NAPB: variants seen among roughly 807,000 people sequenced by gnomAD.
NAPB encodes beta-soluble NSF attachment protein.
NAPB carries 26 observed loss-of-function variants against 44.7 expected under a neutral mutation model. The ratio of observed to expected loss-of-function variants is 0.58; its 90% CI spans 0.43 to 0.81. NAPB has a LOEUF of 0.81. NAPB is among the 30% of genes least tolerant of loss of function. The pLI, the probability that NAPB is intolerant of heterozygous loss-of-function variation, is 0.00. For missense variants in NAPB, 315 were observed against 356.4 expected, an observed-to-expected ratio of 0.88 and a Z score of 0.94; for synonymous variants, 120 against 116.8, an observed-to-expected ratio of 1.03 and a Z score of -0.18.
chr20:23,421,048 G>A (rs1357801226), intron 1 of NAPB, among the ~76,000 whole-genome samples: 1 of 150,616 alleles, frequency 6.6e-6, no homozygotes, highest in Non-Finnish European at 1.5e-5. Context: ...AGGATGCGGG[G>A]TTTCCAGGGA....
chr20:23,383,586 C>G (rs934943334), intron 7 of NAPB, among the ~76,000 whole-genome samples: 20 of 152,176 alleles, frequency 1.3e-4, no homozygotes, highest in African/African-American at 4.3e-4. Context: ...TAGAATTATA[C>G]TCCCAGGAAA....
At chr20:23,388,717 A>G (rs2424530) in intron 7 of NAPB, among the ~76,000 whole-genome samples, 42,090 of 152,112 alleles carry the variant, frequency 0.28, 6,023 homozygotes, top group Middle Eastern at 0.37. Context: ...ATAAAAGAAT[A>G]AAGTTGGACC....
At position 23,421,391 on chromosome 20, in the gene NAPB, C is replaced by T. The variant is rs746865455; in HGVS notation, c.12G>A (p.Ala4=). 2.6e-6 allele frequency: 4 copies of T among 1,546,982 alleles called. No individual in the cohort carries two copies. The highest frequency in any genetic ancestry group is 5.0e-5 in the East Asian group (2 of 40,154). Reference sequence around the variant, plus strand: ...GCTGTACTGCCTCACGCTCCTTCCCCGCGTTGTCCATGTCGCCCGCCGCGG... The same window carrying T: ...GCTGTACTGCCTCACGCTCCTTCCCTGCGTTGTCCATGTCGCCCGCCGCGG... MDN[A]GKEREAVQLM... The change falls in exon 1 of 11, where the codon GCG becomes GCA. Residue 4 remains alanine (A), a synonymous_variant. Transcript: ENST00000377026.
In NAPB at chr20:23,399,486, A is replaced by G. The variant is rs566947428; in HGVS notation, c.179-2298T>C. On this transcript the variant is annotated intron_variant, in intron 2 of 10. Transcript: ENST00000377026. ...GGGATCTGCTGGCACCTTGATCTTA[A>G]ACGACCCAGCCTCCAGAACTCTGAA... Among the ~76,000 whole-genome samples, 6 of 152,290 alleles carry G rather than the reference A, an allele frequency of 3.9e-5. 1 individual carries two copies. In the East Asian group the frequency reaches 1.2e-3, roughly 29 times the overall value.
chr20:23,419,701 T>A (rs1322373767), intron 1 of NAPB, among the ~76,000 whole-genome samples: 2 of 152,256 alleles, frequency 1.3e-5, no homozygotes, highest in Admixed American at 1.3e-4. Flanking sequence ...GTCATAACTT[T>A]TAAATGCAAA....
At chr20:23,391,979 TAGA>T (rs1274306757) in intron 5 of NAPB, among the ~76,000 whole-genome samples, 1 of 152,166 alleles carries the variant, frequency 6.6e-6, no homozygotes, top group Non-Finnish European at 1.5e-5. Flanking sequence ...CCTAGTGAGT[TAGA>T]AGAGATTTGC....
intron 5 of NAPB, among the ~76,000 whole-genome samples, chr20:23,392,591 A>T (rs1232677748): frequency 6.6e-6 from 1 of 152,144 alleles, no homozygotes; most frequent in African/African-American, 2.4e-5. Context: ...GCTTGAGCCC[A>T]GGAGGCTGAG....
chr20:23,398,840 G>A (rs1219591830), intron 2 of NAPB, among the ~76,000 whole-genome samples: 1 of 134,614 alleles, frequency 7.4e-6, no homozygotes, highest in Non-Finnish European at 1.6e-5. Flanking sequence ...CAAGACTCTT[G>A]TCTCAAAAAA....
intron 7 of NAPB, among the ~76,000 whole-genome samples, chr20:23,388,744 T>C (rs1296923830): frequency 6.6e-6 from 1 of 152,128 alleles, no homozygotes; most frequent in African/African-American, 2.4e-5. Flanking sequence ...TCATACTATA[T>C]ACAAAAATTA....
intron 7 of NAPB, among the ~76,000 whole-genome samples, 188 bp downstream of exon 7, chr20:23,389,758 G>T (rs1983815776): frequency 6.6e-6 from 1 of 152,134 alleles, no homozygotes; most frequent in African/African-American, 2.4e-5. Context: ...CTTCTTTTGG[G>T]GATGATTAAA....
chr20:23,397,333 C>G, intron 2 of NAPB, 145 bp from the exon 3 acceptor site: 1 of 919,998 alleles, frequency 1.1e-6, no homozygotes, highest in Non-Finnish European at 1.5e-6. Flanking sequence ...TGGTCCAGTG[C>G]ACCTCGGGCA....
intron 1 of NAPB, among the ~76,000 whole-genome samples, chr20:23,403,316 C>T (rs1386878637): frequency 6.6e-6 from 1 of 152,152 alleles, no homozygotes; most frequent in Non-Finnish European, 1.5e-5. Context: ...AAGACTCAAA[C>T]ACAGGGCAGG....
intron 1 of NAPB, among the ~76,000 whole-genome samples, chr20:23,411,517 T>C (rs1353311101): frequency 2.0e-5 from 3 of 152,076 alleles, no homozygotes; most frequent in Non-Finnish European, 4.4e-5. Flanking sequence ...CTAGGAAACA[T>C]AGCTGAAATG....
At chr20:23,389,230 T>C (rs1410520403) in intron 7 of NAPB, among the ~76,000 whole-genome samples, 1 of 101,072 alleles carries the variant, frequency 9.9e-6, no homozygotes, top group Non-Finnish European at 1.8e-5. Context: ...TGACTATTAT[T>C]TAAAAAAAAA....
intron 2 of NAPB, among the ~76,000 whole-genome samples, chr20:23,401,668 C>T (rs1600585955): frequency 6.6e-6 from 1 of 152,254 alleles, no homozygotes; most frequent in East Asian, 1.9e-4. Flanking sequence ...ATCGCCTGAG[C>T]TCAGGAGTTC....
chr20:23,416,308 GGTAACAGTT>G, intron 1 of NAPB, among the ~76,000 whole-genome samples: 1 of 152,086 alleles, frequency 6.6e-6, no homozygotes, highest in Non-Finnish European at 1.5e-5. Flanking sequence ...AGGCCAGTCT[GGTAACAGTT>G]TATCATTTGA....
At chr20:23,391,974 T>C (rs1280254385) in intron 5 of NAPB, among the ~76,000 whole-genome samples, 1 of 152,170 alleles carries the variant, frequency 6.6e-6, no homozygotes, top group Non-Finnish European at 1.5e-5. Context: ...CAGCTCCTAG[T>C]GAGTTAGAAG....
intron 1 of NAPB, among the ~76,000 whole-genome samples, chr20:23,419,772 G>A (rs917729364): frequency 1.3e-5 from 2 of 152,232 alleles, no homozygotes; most frequent in African/African-American, 4.8e-5. Context: ...GAAACCAGCT[G>A]TGATAAACGT....
rs530214126 is a variant in NAPB, at chr20:23,376,208, A to C, written c.*1168T>G. ...AAGCGTATGTCTAAAGTACAATATCAGCATATAAATTAATAGGATCAAGTT... is the reference window on the plus strand; with the variant it reads ...AAGCGTATGTCTAAAGTACAATATCCGCATATAAATTAATAGGATCAAGTT... On this transcript the variant is annotated 3_prime_UTR_variant, in exon 11 of 11. Transcript: ENST00000377026. 6.6e-5 allele frequency: 10 copies of C among 152,228 alleles called. No homozygotes were observed. Among genetic ancestry groups the C allele is most frequent in the Non-Finnish European group, 1.2e-4 (8 of 68,040 alleles). The allele number at this position is 152,228 out of a possible 1,614,324, so 9.4% of individuals were successfully genotyped here. A position where few individuals can be genotyped will look rare whatever the true frequency, so the allele number is the denominator to read the frequency against.
Sources: allele counts gnomAD v4.1 joint callset (sites outside exome capture counted in the v4.1 genomes callset), GRCh38; gene constraint gnomAD v4.1.1; transcripts MANE v1.5; gene names NCBI Gene and HGNC (gene_info 2026-07-23, HGNC 2026-07-21).